Variants in NOXRED1 observed in about 807,000 individuals in gnomAD.
NOXRED1 encodes NADP dependent oxidoreductase domain containing 1.
A neutral mutation model predicts 30.4 loss-of-function variants in NOXRED1; 20 were observed. The observed-to-expected ratio is 0.66, with a 90% CI of 0.46 to 0.96. NOXRED1 has a LOEUF of 0.96. Among genes scored for constraint, NOXRED1 ranks in the 40% least tolerant of loss-of-function variants. The pLI is 0.00. For missense variants in NOXRED1, 374 were observed against 428.0 expected (o/e 0.87, Z 1.11); for synonymous variants, 155 against 168.0 (o/e 0.92, Z 0.60).
chr14:77,402,170 CA>C (rs1307628435), intron 5 of NOXRED1, among the ~76,000 whole-genome samples: 2 of 152,082 alleles, frequency 1.3e-5, no homozygotes, highest in Non-Finnish European at 2.9e-5. Context: ...AAACAATTGA[CA>C]AGGTGGACAT....
intron 1 of NOXRED1, among the ~76,000 whole-genome samples, chr14:77,415,585 T>C (rs199923853): frequency 8.9e-5 from 13 of 145,532 alleles, no homozygotes; most frequent in African/African-American, 3.3e-4. Flanking sequence ...AGAAAATACA[T>C]ATAGATAGAT....
At chr14:77,403,119 G>C (rs1256323997) in intron 5 of NOXRED1, among the ~76,000 whole-genome samples, 1 of 151,994 alleles carries the variant, frequency 6.6e-6, no homozygotes, top group Admixed American at 6.6e-5. Context: ...TCTTAAAGGA[G>C]AGGAGAAACA....
chr14:77,395,224 G>C (rs2139658848), intron 5 of NOXRED1, among the ~76,000 whole-genome samples: 1 of 150,322 alleles, frequency 6.7e-6, no homozygotes, highest in South Asian at 2.1e-4. Flanking sequence ...TCCTGCCTCA[G>C]CCTCCCGAGT....
intron 5 of NOXRED1, among the ~76,000 whole-genome samples, chr14:77,395,394 C>G (rs180966151): frequency 6.6e-6 from 1 of 152,218 alleles, no homozygotes; most frequent in East Asian, 1.9e-4. Flanking sequence ...GCGTGAGCCA[C>G]TGCGCCCGGC....
rs1894128734 is a variant in NOXRED1, at chr14:77,394,512, T to G, written c.*119A>C. The G allele has an allele frequency of 3.0e-6, 2 of 665,894 alleles. No individual in the cohort carries two copies. The highest frequency in any genetic ancestry group is 5.1e-6 in the Non-Finnish European group (2 of 388,400). 41.2% of individuals were successfully genotyped at this position (665,894 alleles called of 1,614,324 possible). A position where few individuals can be genotyped will look rare whatever the true frequency, so the allele number is the denominator to read the frequency against. ...CAGTACAGTTTTATAATTCCTGATG[T>G]CTATCATGTGGCAAACACAATACAG... On this transcript the variant is annotated 3_prime_UTR_variant, in exon 6 of 6. Coordinates refer to ENST00000380835, the MANE Select transcript of NOXRED1 (RefSeq NM_001113475.3).
In NOXRED1 at chr14:77,422,788, C is replaced by G. The variant is rs371769717; in HGVS notation, c.102G>C (p.Met34Ile). Reference sequence around the variant, plus strand: ...AGGTTGCATGGGCACAAGCCTCGATCATCAGTCCCCGAGAACGGCCCTGCA... The same window carrying G: ...AGGTTGCATGGGCACAAGCCTCGATGATCAGTCCCCGAGAACGGCCCTGCA... ...LYLQGRSRGL[M>I]IEACAHATFF... Residue 34 changes from methionine to isoleucine, a missense_variant, in exon 1 of 6, where the codon ATG becomes ATC. Coordinates refer to ENST00000380835, the MANE Select transcript of NOXRED1 (RefSeq NM_001113475.3). The G allele has an allele frequency of 1.9e-6, 3 of 1,614,034 alleles. No individual in the cohort carries two copies. Among genetic ancestry groups the G allele is most frequent in the African/African-American group, 1.3e-5 (1 of 74,936 alleles).
At chr14:77,395,167 G>A (rs371488690) in intron 5 of NOXRED1, among the ~76,000 whole-genome samples, 27 of 148,184 alleles carry the variant, frequency 1.8e-4, no homozygotes, top group East Asian at 7.9e-4. Flanking sequence ...GTGCAGTGGC[G>A]CGATCTCGGC....
At chr14:77,425,117 G>T (rs1895092600), upstream of NOXRED1, among the ~76,000 whole-genome samples, 12 of 152,130 alleles carry the variant, frequency 7.9e-5, no homozygotes, top group Admixed American at 7.9e-4. Context: ...AACTGACATG[G>T]GTCCCAGTCC....
At chr14:77,404,263 A>G (rs1026129774) in intron 5 of NOXRED1, among the ~76,000 whole-genome samples, 1 of 152,218 alleles carries the variant, frequency 6.6e-6, no homozygotes, top group Non-Finnish European at 1.5e-5. Context: ...GGGATAATGA[A>G]GAAGAAAAAT....
chr14:77,407,424 A>T, intron 3 of NOXRED1, 41 bp downstream of exon 3: 1 of 1,454,780 alleles, frequency 6.9e-7, no homozygotes, highest in Non-Finnish European at 9.6e-7. Context: ...ATAAGGAGAC[A>T]GAGCAGTTGT....
intron 5 of NOXRED1, among the ~76,000 whole-genome samples, chr14:77,401,250 T>A (rs1894321310): frequency 6.6e-6 from 1 of 151,822 alleles, no homozygotes; most frequent in Admixed American, 6.6e-5. Flanking sequence ...CGGGTGCCTG[T>A]AATCCCAGCT....
intron 5 of NOXRED1, among the ~76,000 whole-genome samples, chr14:77,395,439 A>G (rs1157008813): frequency 6.6e-6 from 1 of 152,068 alleles, no homozygotes; most frequent in Non-Finnish European, 1.5e-5. Context: ...GAAAGAACAT[A>G]TATAAGATCG....
At chr14:77,406,628 CACACACAG>C (rs775836530) in intron 4 of NOXRED1, 88 bp downstream of exon 4, 15,214 of 403,980 alleles carry the variant, frequency 0.038, 82 homozygotes, top group Non-Finnish European at 0.04. Flanking sequence ...CACACACACA[CACACACAG>C]AGAGAGAGAG....
At chr14:77,413,358 C>G (rs940798913) in intron 2 of NOXRED1, among the ~76,000 whole-genome samples, 1 of 151,632 alleles carries the variant, frequency 6.6e-6, no homozygotes, top group Non-Finnish European at 1.5e-5. Context: ...CCTGCGTCAG[C>G]CTCCTGAGTA....
upstream of NOXRED1, among the ~76,000 whole-genome samples, chr14:77,423,829 A>G (rs1396896188): frequency 6.6e-6 from 1 of 152,192 alleles, no homozygotes; most frequent in Admixed American, 6.5e-5. Flanking sequence ...AACCAATAAA[A>G]TTTTTTCAGG....
chr14:77,401,384 T>C (rs1213273620), intron 5 of NOXRED1, among the ~76,000 whole-genome samples: 1 of 142,752 alleles, frequency 7.0e-6, no homozygotes, highest in Non-Finnish European at 1.5e-5. Flanking sequence ...AAAAAAAAAG[T>C]TTAAATGGAA....
chr14:77,413,342 A>C (rs930787785), intron 2 of NOXRED1, among the ~76,000 whole-genome samples: 1 of 150,896 alleles, frequency 6.6e-6, no homozygotes, highest in Admixed American at 6.6e-5. Context: ...GGGTTCAAGC[A>C]ATTCTCCTGC....
intron 2 of NOXRED1, among the ~76,000 whole-genome samples, chr14:77,411,842 G>A (rs140733385): frequency 0.019 from 2,925 of 151,788 alleles, 89 homozygotes; most frequent in African/African-American, 0.066. Flanking sequence ...CTGTAATCCC[G>A]GCACTTTGGG....
At position 77,423,317 on chromosome 14, in the gene NOXRED1, T is replaced by G. The variant is rs1291474056; in HGVS notation, c.-428A>C. Among the ~76,000 whole-genome samples, 10 of 152,170 alleles carry G rather than the reference T, an allele frequency of 6.6e-5. No individual in the cohort carries two copies. Among genetic ancestry groups the G allele is most frequent in the Non-Finnish European group, 1.2e-4 (8 of 68,028 alleles). ...TAGGACTGAACACATAGAACCACAT[T>G]TCAAAGAAATGCTTCCCTTTCACTA... On this transcript the variant is annotated 5_prime_UTR_variant, in exon 1 of 6. Coordinates refer to ENST00000380835, the MANE Select transcript of NOXRED1 (RefSeq NM_001113475.3).
Sources: gnomAD v4.1 joint callset for allele counts (sites outside exome capture counted in the v4.1 genomes callset) on GRCh38, gnomAD v4.1.1 for gene constraint, MANE v1.5 for transcripts, NCBI Gene and HGNC (gene_info 2026-07-23, HGNC 2026-07-21) for gene names.